Variants in TMTC1 observed in about 807,000 individuals in gnomAD.
The protein encoded by TMTC1 is transmembrane O-mannosyltransferase targeting cadherins 1.
Under a neutral mutation model 104.8 loss-of-function variants are expected in TMTC1, and 73 were observed. The ratio of observed to expected loss-of-function variants is 0.70; its 90% CI spans 0.58 to 0.85. TMTC1 has a LOEUF of 0.85. TMTC1 is among the 40% of genes least tolerant of loss of function. The probability of loss-of-function intolerance (pLI) is 0.00; values close to 1 mark genes in which losing one functional copy is unlikely to be tolerated. For missense variants in TMTC1, 1,035 were observed against 1,096.1 expected (o/e 0.94, Z 0.79); for synonymous variants, 434 against 428.7 (o/e 1.01, Z -0.15).
chr12:29,613,410 G>A (rs904121788), intron 6 of TMTC1, among the ~76,000 whole-genome samples: 1 of 152,174 alleles, frequency 6.6e-6, no homozygotes, highest in African/African-American at 2.4e-5. Context: ...AGGAGGGGGT[G>A]GAGAGAGACA....
intron 1 of TMTC1, among the ~76,000 whole-genome samples, chr12:29,781,637 A>G (rs895522640): frequency 6.6e-6 from 1 of 152,200 alleles, no homozygotes; most frequent in Non-Finnish European, 1.5e-5. Context: ...ACCAGCCTAG[A>G]CAACATAGGA....
intron 5 of TMTC1, among the ~76,000 whole-genome samples, chr12:29,677,421 AC>A (rs1940768555): frequency 6.6e-6 from 1 of 152,206 alleles, no homozygotes; most frequent in Admixed American, 6.5e-5. Context: ...AGCAACCCAA[AC>A]AAGATAAATG....
intron 2 of TMTC1, among the ~76,000 whole-genome samples, chr12:29,764,478 A>G (rs1943420114): frequency 6.6e-6 from 1 of 152,138 alleles, no homozygotes; most frequent in South Asian, 2.1e-4. Flanking sequence ...ATTGCATCCC[A>G]GTCTGGGCTA....
intron 5 of TMTC1, among the ~76,000 whole-genome samples, chr12:29,690,388 C>T (rs1941231625): frequency 6.6e-6 from 1 of 152,180 alleles, no homozygotes; most frequent in African/African-American, 2.4e-5. Flanking sequence ...TTTACAATCT[C>T]AATTACTAAG....
chr12:29,686,836 CTA>C lies in TMTC1; in HGVS notation c.939-53502_939-53501del, dbSNP rs1406457596. ...CATTCTAGCTATAACAATCTCATCT[CTA>C]TATAAATTATTTGAAGTTTTTTTTG... On this transcript the variant is annotated intron_variant, in intron 5 of 17. Coordinates refer to ENST00000539277, the MANE Select transcript of TMTC1 (RefSeq NM_001193451.2). Among the ~76,000 whole-genome samples the C allele has an allele frequency of 1.4e-4, 21 of 152,280 alleles. 2 individuals are homozygous for C. The highest frequency in any genetic ancestry group is 1.2e-3 in the Admixed American group (19 of 15,298).
rs548248144 is a variant in TMTC1 at position 29,699,729 on chromosome 12, T to C, written c.938+51937A>G. On this transcript the variant is annotated intron_variant, in intron 5 of 17. Coordinates refer to ENST00000539277, the MANE Select transcript of TMTC1 (RefSeq NM_001193451.2). ...GTGCTGTGGCGCTACCACAGCTTGC[T>C]GCAGCATCGACCTCCCGGGCTCAAG... Among the ~76,000 whole-genome samples the C allele has an allele frequency of 3.3e-3, 481 of 145,828 alleles. 3 individuals are homozygous for C. Among genetic ancestry groups the C allele is most frequent in the African/African-American group, 0.012 (470 of 39,316 alleles).
chr12:29,589,887 C>T (rs1946235148), intron 7 of TMTC1, among the ~76,000 whole-genome samples: 2 of 152,186 alleles, frequency 1.3e-5, no homozygotes, highest in South Asian at 4.1e-4. Context: ...CATTATCCTC[C>T]ATTTCATAAA....
At chr12:29,716,898 T>C (rs302379) in intron 5 of TMTC1, among the ~76,000 whole-genome samples, 117,311 of 151,730 alleles carry the variant, frequency 0.77, 45,446 homozygotes, top group Middle Eastern at 0.82. Flanking sequence ...ACCTGTAGTC[T>C]CAGCTACTTG....
chr12:29,518,374 A>G, intron 13 of TMTC1, 98 bp downstream of exon 13: 8 of 1,396,350 alleles, frequency 5.7e-6, no homozygotes, highest in Non-Finnish European at 7.6e-6. Flanking sequence ...AAAATTTGCT[A>G]GTATTCTGAG....
rs1037902918 is a variant in TMTC1 at position 29,506,576 on chromosome 12, T to C, written c.*270A>G. On this transcript the variant is annotated 3_prime_UTR_variant, in exon 18 of 18. Coordinates refer to ENST00000539277, the MANE Select transcript of TMTC1 (RefSeq NM_001193451.2). ...GAGATATATCAAGAGAAATCTGGAG[T>C]TAAACCAAACAAAAATCTGTAAAAT... 1 of 398,126 alleles carries C rather than the reference T, an allele frequency of 2.5e-6. No homozygotes were observed. Among genetic ancestry groups the C allele is most frequent in the African/African-American group, 2.0e-5 (1 of 49,586 alleles). The allele number at this position is 398,126 out of a possible 1,614,324, so 24.7% of individuals were successfully genotyped here. A position where few individuals can be genotyped will look rare whatever the true frequency, so the allele number is the denominator to read the frequency against.
chr12:29,602,374 G>A (rs1471935933), intron 7 of TMTC1, among the ~76,000 whole-genome samples: 2 of 152,122 alleles, frequency 1.3e-5, no homozygotes, highest in Non-Finnish European at 2.9e-5. Flanking sequence ...AAACTCCTGG[G>A]TTCAAGTGAT....
intron 7 of TMTC1, among the ~76,000 whole-genome samples, chr12:29,586,985 G>C (rs1435296409): frequency 1.3e-5 from 2 of 152,186 alleles, no homozygotes; most frequent in Admixed American, 6.5e-5. Flanking sequence ...TTTTTCTATT[G>C]ATTGGAATAG....
intron 10 of TMTC1, among the ~76,000 whole-genome samples, chr12:29,553,705 C>A (rs183711682): frequency 2.5e-4 from 38 of 152,234 alleles, no homozygotes; most frequent in Admixed American, 2.0e-3. Flanking sequence ...GTTGGTTACC[C>A]AATAACTCCT....
chr12:29,730,917 C>G (rs1942529628), intron 5 of TMTC1, among the ~76,000 whole-genome samples: 1 of 151,938 alleles, frequency 6.6e-6, no homozygotes, highest in Non-Finnish European at 1.5e-5. Context: ...TTTTTAAATC[C>G]CTGTTTTATG....
chr12:29,528,490 G>A (rs1944409898), intron 11 of TMTC1, among the ~76,000 whole-genome samples: 1 of 152,140 alleles, frequency 6.6e-6, no homozygotes, highest in Admixed American at 6.5e-5. Context: ...GGCCTTGGAA[G>A]AGAGATAAAA....
At chr12:29,655,669 A>C (rs1939720970) in intron 5 of TMTC1, among the ~76,000 whole-genome samples, 1 of 152,230 alleles carries the variant, frequency 6.6e-6, no homozygotes, top group Non-Finnish European at 1.5e-5. Context: ...TTTGAAGCTC[A>C]GTGTAAGCAG....
At chr12:29,717,854 ATAAT>A (rs1942129068) in intron 5 of TMTC1, among the ~76,000 whole-genome samples, 2 of 152,338 alleles carry the variant, frequency 1.3e-5, no homozygotes, top group South Asian at 2.1e-4. Flanking sequence ...GATTATTATA[ATAAT>A]TACTCTTCAA....
chr12:29,692,394 A>C (rs949877606), intron 5 of TMTC1, among the ~76,000 whole-genome samples: 4 of 145,050 alleles, frequency 2.8e-5, no homozygotes, highest in Non-Finnish European at 6.0e-5. Flanking sequence ...AATTAAGTTC[A>C]CCTGAAAGCT....
At chr12:29,543,008 T>C (rs1484227272) in intron 10 of TMTC1, among the ~76,000 whole-genome samples, 1 of 152,204 alleles carries the variant, frequency 6.6e-6, no homozygotes, top group Non-Finnish European at 1.5e-5. Flanking sequence ...TCTCTCATGT[T>C]TCCCCCGGGA....
Sources: allele counts gnomAD v4.1 joint callset (sites outside exome capture counted in the v4.1 genomes callset), GRCh38; gene constraint gnomAD v4.1.1; transcripts MANE v1.5; gene names NCBI Gene and HGNC (gene_info 2026-07-23, HGNC 2026-07-21).